NBAS: variants seen among roughly 807,000 people sequenced by gnomAD.
NBAS encodes the protein NBAS subunit of NRZ tethering complex.
Under a neutral mutation model 302.5 loss-of-function variants are expected in NBAS, and 219 were observed. The ratio of observed to expected loss-of-function variants is 0.72; its 90% CI spans 0.65 to 0.81. NBAS has a LOEUF of 0.81. Ranked by LOEUF, NBAS falls within the 30% of genes least tolerant of loss-of-function variation. NBAS has a pLI of 0.00. For missense variants in NBAS, 2,932 were observed against 2,841.6 expected, an observed-to-expected ratio of 1.03 and a Z score of -0.72; for synonymous variants, 1,118 against 1,021.6, an observed-to-expected ratio of 1.09 and a Z score of -1.80.
chr2:15,115,112 T>C, the NBAS span, among the ~76,000 whole-genome samples: 1 of 152,212 alleles, frequency 6.6e-6, no homozygotes, highest in Non-Finnish European at 1.5e-5. Flanking sequence ...ATGAACTCTC[T>C]ATAGTCCTAG....
the NBAS span, among the ~76,000 whole-genome samples, chr2:15,148,789 T>C: frequency 6.6e-6 from 1 of 152,298 alleles, no homozygotes; most frequent in Non-Finnish European, 1.5e-5. Context: ...CTTGGAGTAT[T>C]GTTCTGCTCT....
chr2:14,962,315 G>A, the NBAS span, among the ~76,000 whole-genome samples: 10 of 152,082 alleles, frequency 6.6e-5, no homozygotes, highest in Non-Finnish European at 8.8e-5. Context: ...CAGCTCAGAG[G>A]GAGGGTTACA....
the NBAS span, among the ~76,000 whole-genome samples, chr2:14,953,574 C>T: frequency 2.0e-5 from 3 of 152,270 alleles, no homozygotes; most frequent in South Asian, 4.1e-4. Flanking sequence ...TGGTCATCCC[C>T]TTTCCTAGAG....
the NBAS span, among the ~76,000 whole-genome samples, chr2:15,090,829 G>T: frequency 3.9e-5 from 6 of 152,166 alleles, no homozygotes; most frequent in Non-Finnish European, 8.8e-5. Flanking sequence ...GCTTTCACAC[G>T]CTAGCCTTAC....
Position 15,210,284 on chromosome 2 carries a change from T to A in NBAS, c.6432+8489A>T, listed in dbSNP as rs114789118. On this transcript the variant is annotated intron_variant, in intron 48 of 51. Transcript: ENST00000281513. Reference sequence around the variant, plus strand: ...AGTTCAAACAACTATAGAAAAAAAATAATTATCTGGTTAAAAAATGGGCGA... The same window carrying A: ...AGTTCAAACAACTATAGAAAAAAAAAAATTATCTGGTTAAAAAATGGGCGA... 9.5e-3 allele frequency among the ~76,000 whole-genome samples: 1,447 copies of A among 151,652 alleles called. 11 individuals are homozygous for A. Among genetic ancestry groups the A allele is most frequent in the Middle Eastern group, 0.017 (5 of 294 alleles).
At chr2:15,017,342 C>G in the NBAS span, among the ~76,000 whole-genome samples, 1 of 151,894 alleles carries the variant, frequency 6.6e-6, no homozygotes, top group Non-Finnish European at 1.5e-5. Context: ...AAAAAAGCTT[C>G]GTCACAGCAA....
At chr2:15,554,009 A>G in intron 4 of NBAS, 52 bp downstream of exon 4, 5 of 1,482,298 alleles carry the variant, frequency 3.4e-6, no homozygotes, top group Non-Finnish European at 4.7e-6. Context: ...GTCCATAATG[A>G]AATGTAAAAG....
At chr2:15,009,797 G>A in the NBAS span, among the ~76,000 whole-genome samples, 3 of 151,308 alleles carry the variant, frequency 2.0e-5, no homozygotes, top group Non-Finnish European at 4.4e-5. Context: ...GTTTCCCATA[G>A]AGCGATTCCC....
chr2:14,792,323 C>T, the NBAS span, among the ~76,000 whole-genome samples: 1 of 152,172 alleles, frequency 6.6e-6, no homozygotes, highest in African/African-American at 2.4e-5. Flanking sequence ...ACACCATAGC[C>T]TAGCCTAGCT....
At chr2:15,366,949 AG>A (rs951178926) in intron 31 of NBAS, among the ~76,000 whole-genome samples, 2 of 152,214 alleles carry the variant, frequency 1.3e-5, no homozygotes, top group African/African-American at 4.8e-5. Flanking sequence ...ATCTGAAACT[AG>A]AAAAAACTGT....
At chr2:15,518,937 T>C (rs551186396) in intron 9 of NBAS, among the ~76,000 whole-genome samples, 26 of 152,094 alleles carry the variant, frequency 1.7e-4, no homozygotes, top group Non-Finnish European at 2.5e-4. Context: ...CTCGCCCCCA[T>C]GATTCAATCA....
In NBAS at chr2:15,330,824, A is replaced by C. The variant is rs564297674; in HGVS notation, c.4180-59T>G. 30 of 1,563,498 alleles carry C rather than the reference A, an allele frequency of 1.9e-5. No homozygotes were observed. The South Asian group carries it at 3.4e-4, about 18-fold the overall frequency. ...ATGCATTACCATAAGAACAGAGAAG[A>C]CAGTGATAATGTGACTGCTTAAAAT... is the stretch of plus-strand genomic sequence containing the variant. On this transcript the variant is annotated intron_variant, in intron 35 of 51. Transcript: ENST00000281513.
chr2:14,845,088 G>A, the NBAS span, among the ~76,000 whole-genome samples: 1 of 152,178 alleles, frequency 6.6e-6, no homozygotes, highest in African/African-American at 2.4e-5. Flanking sequence ...GGTTACAGCA[G>A]GCTTGAGTGA....
At chr2:14,906,364 C>T in the NBAS span, among the ~76,000 whole-genome samples, 1 of 152,178 alleles carries the variant, frequency 6.6e-6, no homozygotes, top group African/African-American at 2.4e-5. Flanking sequence ...GATCAAATAG[C>T]CTGCTCGTAA....
chr2:15,505,367 G>A lies in NBAS; in HGVS notation c.886-1154C>T, dbSNP rs2287268. Among the ~76,000 whole-genome samples, 384 of 152,274 alleles carry A rather than the reference G, an allele frequency of 2.5e-3. 5 individuals are homozygous for A. The East Asian group carries it at 0.033, about 13-fold the overall frequency. On this transcript the variant is annotated intron_variant, in intron 10 of 51. Coordinates refer to ENST00000281513, the MANE Select transcript of NBAS (RefSeq NM_015909.4). ...AGGTTAATCAGACATGGCCTACAGG[G>A]AAGGGACCTAAGTGTGGGCATGATA...
At chr2:15,161,519 G>A in the NBAS span, among the ~76,000 whole-genome samples, 1 of 152,180 alleles carries the variant, frequency 6.6e-6, no homozygotes, top group Non-Finnish European at 1.5e-5. Context: ...AACCAGTACT[G>A]CTGAGGAGAA....
At chr2:15,256,874 T>A (rs537315389) in intron 44 of NBAS, among the ~76,000 whole-genome samples, 1 of 152,370 alleles carries the variant, frequency 6.6e-6, no homozygotes, top group Admixed American at 6.5e-5. Flanking sequence ...TACTTACATA[T>A]GTTAATTCAT....
the NBAS span, among the ~76,000 whole-genome samples, chr2:15,057,885 C>T: frequency 3.9e-5 from 6 of 152,102 alleles, no homozygotes; most frequent in African/African-American, 9.7e-5. Context: ...TATAAACATG[C>T]GTGCGAAATA....
intron 9 of NBAS, among the ~76,000 whole-genome samples, chr2:15,519,093 A>C (rs1362286688): frequency 1.3e-5 from 2 of 152,220 alleles, no homozygotes. Context: ...TAGAATCAGA[A>C]GTATCAAGTT....
Sources: gnomAD v4.1 joint callset for allele counts (sites outside exome capture counted in the v4.1 genomes callset) on GRCh38, gnomAD v4.1.1 for gene constraint, MANE v1.5 for transcripts, NCBI Gene and HGNC (gene_info 2026-07-23, HGNC 2026-07-21) for gene names.